INVS: variants seen among roughly 807,000 people sequenced by gnomAD.
The protein encoded by INVS is inversion of embryo turning homolog.
In INVS, 86 loss-of-function variants were observed where a neutral mutation model predicts 108.8. That is an observed-to-expected ratio of 0.79 (90% confidence interval 0.66 to 0.95). INVS has a LOEUF of 0.95. Ranked by LOEUF, INVS falls within the 40% of genes least tolerant of loss-of-function variation. INVS has a pLI of 0.00. For missense variants in INVS, 1,169 were observed against 1,297.4 expected, an observed-to-expected ratio of 0.90 and a Z score of 1.52; for synonymous variants, 455 against 473.5, an observed-to-expected ratio of 0.96 and a Z score of 0.51.
At chr9:100,274,520 T>G (rs1406799741) in intron 12 of INVS, among the ~76,000 whole-genome samples, 1 of 152,190 alleles carries the variant, frequency 6.6e-6, no homozygotes, top group Non-Finnish European at 1.5e-5. Flanking sequence ...AGATTCTTTT[T>G]TTTTGAGACA....
intron 3 of INVS, among the ~76,000 whole-genome samples, chr9:100,196,014 A>T (rs1830363357): frequency 6.6e-6 from 1 of 152,128 alleles, no homozygotes; most frequent in Non-Finnish European, 1.5e-5. Context: ...AAACTGTCTT[A>T]TCTTCTTCTA....
chr9:100,297,913 T>C, intron 15 of INVS, 23 bp from the exon 16 acceptor site: 1 of 1,613,852 alleles, frequency 6.2e-7, no homozygotes, highest in Non-Finnish European at 8.5e-7. Flanking sequence ...CAAAGAAAAG[T>C]AACAGTTGTT....
intron 3 of INVS, among the ~76,000 whole-genome samples, chr9:100,164,896 C>CTTTTTTTTTTTTTTTTTTTTTTTT (rs71498730): frequency 7.7e-6 from 1 of 129,306 alleles, no homozygotes; most frequent in Non-Finnish European, 1.7e-5. Context: ...TTGGCTTTTT[C>CTTTTTTTTTTTTTTTTTTTTTTTT]TTTTTTTTTT....
intron 5 of INVS, among the ~76,000 whole-genome samples, chr9:100,231,250 G>T (rs1426842432): frequency 6.6e-6 from 1 of 151,984 alleles, no homozygotes; most frequent in Non-Finnish European, 1.5e-5. Flanking sequence ...TACAACCTCT[G>T]ATACTAAAAG....
chr9:100,273,507 G>GT (rs547296113), intron 12 of INVS, among the ~76,000 whole-genome samples: 320 of 123,892 alleles, frequency 2.6e-3, no homozygotes, highest in Non-Finnish European at 4.4e-3. Context: ...AAACAACTTG[G>GT]TTTTTTTTTC....
rs1372878903 is a variant in INVS, at chr9:100,292,793, T to C, written c.2536T>C (p.Ser846Pro). The C allele has an allele frequency of 6.2e-7, 1 of 1,613,924 alleles. No individual in the cohort carries two copies. The highest frequency in any genetic ancestry group is 1.1e-5 in the South Asian group (1 of 91,058). Reference protein sequence around the residue: ...TQAKLTGGLYSHLPQSTEELR... With the variant: ...TQAKLTGGLYPHLPQSTEELR... Reference sequence around the variant, plus strand: ...AGCCAAGCTCACAGGAGGGCTCTATTCACATTTGCCACAGAGCACAGAGGA... The same window carrying C: ...AGCCAAGCTCACAGGAGGGCTCTATCCACATTTGCCACAGAGCACAGAGGA... The change falls in exon 14 of 17, where the codon TCA (serine) becomes CCA (proline). Residue 846 changes from serine (S) to proline (P), a missense_variant. Coordinates refer to ENST00000262457, the MANE Select transcript of INVS (RefSeq NM_014425.5).
chr9:100,248,872 A>G (rs1357127756), intron 8 of INVS, among the ~76,000 whole-genome samples: 5 of 151,528 alleles, frequency 3.3e-5, no homozygotes, highest in African/African-American at 7.3e-5. Context: ...CTTTTGTCTC[A>G]TTTTCTTTTT....
chr9:100,101,240 C>T (rs1430064912), intron 1 of INVS: 2 of 150,500 alleles, frequency 1.3e-5, no homozygotes, highest in African/African-American at 4.9e-5. Flanking sequence ...AGTTGTCACT[C>T]AGCTTGTTGA....
At chr9:100,297,185 C>T (rs757247152) in intron 15 of INVS, 39 bp downstream of exon 15, 13 of 1,444,920 alleles carry the variant, frequency 9.0e-6, no homozygotes, top group Admixed American at 3.4e-5. Context: ...TCACAAGTAC[C>T]CCCAGAGTAC....
rs1236280403 is a variant in INVS at position 100,177,195 on chromosome 9, G to A, written c.274-48867G>A. 1.4e-4 allele frequency among the ~76,000 whole-genome samples: 21 copies of A among 152,048 alleles called. 1 individual carries two copies. The highest frequency in any genetic ancestry group is 1.4e-3 in the Admixed American group (21 of 15,258). On this transcript the variant is annotated intron_variant, in intron 3 of 16. Coordinates refer to ENST00000262457, the MANE Select transcript of INVS (RefSeq NM_014425.5). ...CTGGGTTTCAAGCAAAAAACCGGGC[G>A]GCCATTTGGGCAGACACCAAGCTAC...
At chr9:100,191,491 T>C (rs1830219524) in intron 3 of INVS, among the ~76,000 whole-genome samples, 2 of 152,232 alleles carry the variant, frequency 1.3e-5, no homozygotes, top group Admixed American at 1.3e-4. Flanking sequence ...CCTGTGCATT[T>C]TTTAATTCTC....
At chr9:100,235,539 A>T (rs2118466976) in intron 5 of INVS, among the ~76,000 whole-genome samples, 1 of 152,238 alleles carries the variant, frequency 6.6e-6, no homozygotes, top group South Asian at 2.1e-4. Context: ...TTCCTACAGG[A>T]ACTCTTGTAA....
intron 14 of INVS, among the ~76,000 whole-genome samples, chr9:100,293,701 T>C (rs1833698850): frequency 6.6e-6 from 1 of 152,184 alleles, no homozygotes; most frequent in Non-Finnish European, 1.5e-5. Context: ...CCCAATATAG[T>C]AGAGACAAAT....
intron 12 of INVS, among the ~76,000 whole-genome samples, chr9:100,279,032 T>C (rs1833198216): frequency 6.6e-6 from 1 of 152,178 alleles, no homozygotes; most frequent in African/African-American, 2.4e-5. Context: ...ATTTAGAGAA[T>C]ATTGGGAAGA....
chr9:100,110,376 A>G (rs1207931028), intron 2 of INVS, among the ~76,000 whole-genome samples: 3 of 152,250 alleles, frequency 2.0e-5, no homozygotes, highest in Non-Finnish European at 4.4e-5. Context: ...ATTAAAGCCA[A>G]GAAGTCTGAT....
chr9:100,168,591 T>C (rs1297683144), intron 3 of INVS, among the ~76,000 whole-genome samples: 1 of 152,178 alleles, frequency 6.6e-6, no homozygotes, highest in Admixed American at 6.5e-5. Flanking sequence ...ATTAGAGGTC[T>C]AATTGGATTG....
chr9:100,285,666 C>T (rs1416372833), intron 13 of INVS, among the ~76,000 whole-genome samples: 1 of 152,216 alleles, frequency 6.6e-6, no homozygotes, highest in Non-Finnish European at 1.5e-5. Context: ...TGGAGTCACA[C>T]ACAACACGTT....
intron 4 of INVS, 42 bp downstream of exon 4, chr9:100,226,277 C>A: frequency 6.5e-7 from 1 of 1,547,626 alleles, no homozygotes; most frequent in Non-Finnish European, 8.9e-7. Context: ...GACCAGAAAG[C>A]AAATGCTTCC....
intron 3 of INVS, among the ~76,000 whole-genome samples, chr9:100,144,696 A>G (rs898148776): frequency 6.6e-6 from 1 of 151,972 alleles, no homozygotes; most frequent in African/African-American, 2.4e-5. Context: ...TGATAGAAGG[A>G]TTATAGGGTG....
Sources: gnomAD v4.1 joint callset for allele counts (sites outside exome capture counted in the v4.1 genomes callset) on GRCh38, gnomAD v4.1.1 for gene constraint, MANE v1.5 for transcripts, NCBI Gene and HGNC (gene_info 2026-07-23, HGNC 2026-07-21) for gene names.